ANK2: variants seen among roughly 807,000 people sequenced by gnomAD.
ANK2 encodes the protein ankyrin-2.
ANK2 carries 83 observed loss-of-function variants against 360.5 expected under a neutral mutation model. That is an observed-to-expected ratio of 0.23 (90% confidence interval 0.19 to 0.28). The LOEUF is 0.28. ANK2 is among the 10% of genes least tolerant of loss of function. ANK2 has a pLI of 1.00. For synonymous variants in ANK2, 1,740 were observed against 1,759.5 expected (o/e 0.99, Z 0.28); for missense variants, 4,201 against 4,795.7 (o/e 0.88, Z 3.66).
chr4:112,873,506 C>T (rs1386066968), intron 1 of ANK2, among the ~76,000 whole-genome samples: 6 of 150,388 alleles, frequency 4.0e-5, no homozygotes, highest in Non-Finnish European at 5.9e-5. Flanking sequence ...TTTAATTTTC[C>T]AAATTTCCTT....
intron 4 of ANK2, among the ~76,000 whole-genome samples, chr4:113,213,822 G>C (rs1215881510): frequency 1.3e-5 from 2 of 151,946 alleles, no homozygotes; most frequent in African/African-American, 4.8e-5. Flanking sequence ...TCTCATTAAA[G>C]GCAGTAACAA....
At chr4:113,086,665 A>G (rs933441716) in intron 1 of ANK2, among the ~76,000 whole-genome samples, 8 of 152,252 alleles carry the variant, frequency 5.3e-5, no homozygotes, top group Non-Finnish European at 1.0e-4. Context: ...AAAACCACGA[A>G]GAAAACTGAA....
At chr4:113,120,131 T>G (rs1214782833) in intron 1 of ANK2, among the ~76,000 whole-genome samples, 1 of 152,132 alleles carries the variant, frequency 6.6e-6, no homozygotes, top group African/African-American at 2.4e-5. Context: ...TATTTAAATA[T>G]GGTATAGTAC....
At chr4:112,873,654 A>G (rs113267012) in intron 1 of ANK2, among the ~76,000 whole-genome samples, 1,762 of 147,814 alleles carry the variant, frequency 0.012, 13 homozygotes, top group Non-Finnish European at 0.019. Flanking sequence ...CTCCTGCCTC[A>G]GCCTCCCGAG....
At chr4:112,722,502 C>T in the ANK2 span, among the ~76,000 whole-genome samples, 2 of 152,182 alleles carry the variant, frequency 1.3e-5, no homozygotes, top group Non-Finnish European at 2.9e-5. Flanking sequence ...GGATTGTTGG[C>T]TCAGTGGCTC....
At chr4:113,292,938 G>A (rs945685979) in intron 21 of ANK2, 28 of 351,646 alleles carry the variant, frequency 8.0e-5, no homozygotes, top group Non-Finnish European at 2.8e-5. Context: ...CTGGGATCCC[G>A]AGTGGCCTGG....
chr4:112,865,226 A>G (rs2070029817), intron 1 of ANK2, among the ~76,000 whole-genome samples: 1 of 152,066 alleles, frequency 6.6e-6, no homozygotes, highest in East Asian at 1.9e-4. Context: ...CATCTTCTCT[A>G]GTACAAGTCA....
intron 14 of ANK2, among the ~76,000 whole-genome samples, chr4:113,273,254 C>T (rs1399892015): frequency 6.6e-6 from 1 of 152,120 alleles, no homozygotes; most frequent in East Asian, 1.9e-4. Flanking sequence ...TTAATATTGA[C>T]CTGGAAAATG....
intron 1 of ANK2, among the ~76,000 whole-genome samples, chr4:112,888,766 A>G (rs2150596342): frequency 6.6e-6 from 1 of 152,318 alleles, no homozygotes; most frequent in Non-Finnish European, 1.5e-5. Context: ...TGCCTACAAC[A>G]TGACAAATGT....
chr4:112,851,862 T>C (rs1023041575), intron 1 of ANK2, among the ~76,000 whole-genome samples: 1 of 152,202 alleles, frequency 6.6e-6, no homozygotes, highest in Non-Finnish European at 1.5e-5. Flanking sequence ...GACCTCGTGA[T>C]CCACCTGCCT....
At position 113,174,532 on chromosome 4, in the gene ANK2, G is replaced by T. The variant is rs1211651350; in HGVS notation, c.186+15G>T. 2 of 1,554,536 alleles carry T rather than the reference G, an allele frequency of 1.3e-6. No individual in the cohort carries two copies. Among genetic ancestry groups the T allele is most frequent in the East Asian group, 4.5e-5 (2 of 44,464 alleles). On this transcript the variant is annotated intron_variant, in intron 2 of 45. Coordinates refer to ENST00000357077, the MANE Select transcript of ANK2 (RefSeq NM_001148.6). ...CCTGCAATCAGGTAAGAACATGGCA[G>T]CTAGCTCTGTGTTGTGCAACGAAGG... is the stretch of plus-strand genomic sequence containing the variant.
rs531844129 is a variant in ANK2 at position 113,299,199 on chromosome 4, A to G, written c.2476-3568A>G. On this transcript the variant is annotated intron_variant, in intron 22 of 45. Coordinates refer to ENST00000357077, the MANE Select transcript of ANK2 (RefSeq NM_001148.6). Reference sequence around the variant, plus strand: ...AGTACAAAGAAAATATAGTCCCATTATCAGCACCTGAAAATAGAAACTGAG... The same window carrying G: ...AGTACAAAGAAAATATAGTCCCATTGTCAGCACCTGAAAATAGAAACTGAG... Among the ~76,000 whole-genome samples, 22 of 152,328 alleles carry G rather than the reference A, an allele frequency of 1.4e-4. No homozygotes were observed. In the South Asian group the frequency reaches 4.3e-3, roughly 30 times the overall value.
At chr4:112,718,638 T>C in the ANK2 span, among the ~76,000 whole-genome samples, 1 of 151,836 alleles carries the variant, frequency 6.6e-6, no homozygotes, top group African/African-American at 2.4e-5. Flanking sequence ...TTTTATTTAT[T>C]TTTTATTTTT....
chr4:112,743,949 C>T, the ANK2 span, among the ~76,000 whole-genome samples: 1 of 152,110 alleles, frequency 6.6e-6, no homozygotes, highest in African/African-American at 2.4e-5. Context: ...CTGCCTCAGC[C>T]TCCCGAGTAG....
chr4:113,296,292 A>G lies in ANK2; in HGVS notation c.2475+2754A>G, dbSNP rs552818390. Among the ~76,000 whole-genome samples the G allele has an allele frequency of 1.9e-3, 295 of 152,306 alleles. 3 individuals carry two copies. The highest frequency in any genetic ancestry group is 6.9e-3 in the African/African-American group (287 of 41,596). On this transcript the variant is annotated intron_variant, in intron 22 of 45. Coordinates refer to ENST00000357077, the MANE Select transcript of ANK2 (RefSeq NM_001148.6). ...TTCAATATCATTTTCTAAAATCTACAGTCACAAAAATAATTTGAAACTACT... is the reference window on the plus strand; with the variant it reads ...TTCAATATCATTTTCTAAAATCTACGGTCACAAAAATAATTTGAAACTACT...
chr4:112,737,790 T>G, the ANK2 span, among the ~76,000 whole-genome samples: 4 of 152,176 alleles, frequency 2.6e-5, no homozygotes, highest in Non-Finnish European at 5.9e-5. Flanking sequence ...GGACTATGTA[T>G]GTTAGGATTT....
At chr4:113,021,620 G>A (rs1225739295) in intron 2 of ANK2, among the ~76,000 whole-genome samples, 1 of 141,734 alleles carries the variant, frequency 7.1e-6, no homozygotes, top group African/African-American at 2.6e-5. Flanking sequence ...TCTGAGCCCC[G>A]ACACTGTCTT....
intron 20 of ANK2, among the ~76,000 whole-genome samples, chr4:113,290,445 T>C (rs1013380573): frequency 2.0e-5 from 3 of 152,154 alleles, no homozygotes; most frequent in Admixed American, 2.0e-4. Context: ...TATAAAAGAT[T>C]TGGCAAAATT....
At chr4:112,712,987 A>T in the ANK2 span, among the ~76,000 whole-genome samples, 2 of 152,134 alleles carry the variant, frequency 1.3e-5, no homozygotes. Context: ...AATTTCCCTC[A>T]TGCTAATCCT....
Sources: allele counts gnomAD v4.1 joint callset (sites outside exome capture counted in the v4.1 genomes callset), GRCh38; gene constraint gnomAD v4.1.1; transcripts MANE v1.5; gene names NCBI Gene and HGNC (gene_info 2026-07-23, HGNC 2026-07-21).